DOK5: variants seen among roughly 807,000 people sequenced by gnomAD.
DOK5 encodes the protein downstream of tyrosine kinase 5.
DOK5 carries 27 observed loss-of-function variants against 43.3 expected under a neutral mutation model. That is an observed-to-expected ratio of 0.62 (90% CI 0.46 to 0.86). The LOEUF (loss-of-function observed/expected upper bound fraction) is 0.86. Ranked by LOEUF, DOK5 falls within the 40% of genes least tolerant of loss-of-function variation. The pLI is 0.00. For synonymous variants in DOK5, 146 were observed against 140.1 expected (o/e 1.04, Z -0.30); for missense variants, 373 against 392.9 (o/e 0.95, Z 0.43).
chr20:54,507,381 G>A (rs1455656573), intron 1 of DOK5, among the ~76,000 whole-genome samples: 1 of 152,084 alleles, frequency 6.6e-6, no homozygotes, highest in Non-Finnish European at 1.5e-5. Flanking sequence ...TGAAATAGGT[G>A]AAATTAACTT....
rs886832752 is a variant in DOK5 at position 54,584,770 on chromosome 20, GAT to G, written c.175-3709_175-3708del. Among the ~76,000 whole-genome samples the G allele has an allele frequency of 2.3e-5, 3 of 128,574 alleles. No individual in the cohort carries two copies. The East Asian group carries it at 6.1e-4, about 26-fold the overall frequency. 84.3% of individuals were successfully genotyped at this position (128,574 alleles called of 152,430 possible). On this transcript the variant is annotated intron_variant, in intron 2 of 7. Coordinates refer to ENST00000262593, the MANE Select transcript of DOK5 (RefSeq NM_018431.5). ...ATATGTGTGTGTGTATATATATCTA[GAT>G]ATACACACACACACACACACACACA...
At chr20:54,616,192 G>T (rs1388440045) in intron 6 of DOK5, among the ~76,000 whole-genome samples, 1 of 152,146 alleles carries the variant, frequency 6.6e-6, no homozygotes, top group African/African-American at 2.4e-5. Context: ...GAAAACTCTT[G>T]CATTGAAGAC....
chr20:54,476,751 TTGGGACAGATGTTGAC>T (rs1242037250), intron 1 of DOK5, among the ~76,000 whole-genome samples: 1 of 152,164 alleles, frequency 6.6e-6, no homozygotes, highest in African/African-American at 2.4e-5. Flanking sequence ...CTTAGGGCAC[TTGGGACAGATGTTGAC>T]ACAGGCTAGC....
intron 1 of DOK5, among the ~76,000 whole-genome samples, chr20:54,554,306 C>A (rs1251191935): frequency 6.6e-6 from 1 of 152,220 alleles, no homozygotes. Context: ...AACTCTCCTG[C>A]AAGTGATTCA....
chr20:54,576,330 G>T (rs1985451015), intron 2 of DOK5, among the ~76,000 whole-genome samples: 1 of 152,074 alleles, frequency 6.6e-6, no homozygotes. Flanking sequence ...GAAGACTACT[G>T]CTCAGAAGCC....
At chr20:54,541,349 T>C (rs1192140586) in intron 1 of DOK5, among the ~76,000 whole-genome samples, 1 of 152,184 alleles carries the variant, frequency 6.6e-6, no homozygotes, top group Non-Finnish European at 1.5e-5. Flanking sequence ...TACCTGAAGT[T>C]GGATTATATC....
chr20:54,608,664 CTTCT>C (rs372558183), intron 5 of DOK5, among the ~76,000 whole-genome samples: 4,070 of 136,978 alleles, frequency 0.03, 172 homozygotes, highest in African/African-American at 0.12. Flanking sequence ...ATTTCTTCTT[CTTCT>C]TTTTTTTTTT....
chr20:54,639,842 A>G (rs1414075875), intron 6 of DOK5, among the ~76,000 whole-genome samples: 1 of 152,226 alleles, frequency 6.6e-6, no homozygotes, highest in Non-Finnish European at 1.5e-5. Context: ...ACTTCTAGAT[A>G]AAGACAAAAA....
intron 1 of DOK5, among the ~76,000 whole-genome samples, chr20:54,545,225 G>A (rs1265717712): frequency 6.6e-6 from 1 of 152,174 alleles, no homozygotes; most frequent in Non-Finnish European, 1.5e-5. Flanking sequence ...ATTGCAGAAG[G>A]AGAAATTTGC....
At chr20:54,512,164 C>T (rs1384620177) in intron 1 of DOK5, among the ~76,000 whole-genome samples, 2 of 152,192 alleles carry the variant, frequency 1.3e-5, no homozygotes, top group Admixed American at 6.5e-5. Flanking sequence ...AGTAGACTCA[C>T]CTATGAATGT....
chr20:54,540,506 T>C (rs1984117478), intron 1 of DOK5, among the ~76,000 whole-genome samples: 1 of 152,122 alleles, frequency 6.6e-6, no homozygotes, highest in African/African-American at 2.4e-5. Context: ...CCAAGCAATA[T>C]GCTAAGTATG....
chr20:54,531,555 T>A (rs1049252661), intron 1 of DOK5, among the ~76,000 whole-genome samples: 1 of 152,204 alleles, frequency 6.6e-6, no homozygotes, highest in Non-Finnish European at 1.5e-5. Context: ...ACAAGGAAGA[T>A]AGAAGTTGAG....
chr20:54,539,906 G>A (rs903507456), intron 1 of DOK5, among the ~76,000 whole-genome samples: 4 of 152,226 alleles, frequency 2.6e-5, no homozygotes, highest in African/African-American at 9.6e-5. Context: ...CGTGAAGGAG[G>A]AAAAGGAGTC....
At chr20:54,550,771 C>A (rs1390538953) in intron 1 of DOK5, among the ~76,000 whole-genome samples, 1 of 152,010 alleles carries the variant, frequency 6.6e-6, no homozygotes, top group African/African-American at 2.4e-5. Context: ...GAGGATGTAC[C>A]ACAGTTCGTT....
intron 4 of DOK5, among the ~76,000 whole-genome samples, chr20:54,590,390 C>T (rs1017207073): frequency 6.6e-6 from 1 of 151,942 alleles, no homozygotes; most frequent in African/African-American, 2.4e-5. Context: ...TATTTTTTCC[C>T]TATCTCTCCC....
At chr20:54,622,224 A>T (rs1211487606) in intron 6 of DOK5, among the ~76,000 whole-genome samples, 1 of 152,052 alleles carries the variant, frequency 6.6e-6, no homozygotes, top group East Asian at 1.9e-4. Context: ...AAATAAAATA[A>T]AAAAAAGAGC....
At chr20:54,537,831 C>CTTTTTTTTT (rs927019328) in intron 1 of DOK5, among the ~76,000 whole-genome samples, 3 of 89,536 alleles carry the variant, frequency 3.4e-5, no homozygotes, top group Non-Finnish European at 6.5e-5. Context: ...TGTACAAGTT[C>CTTTTTTTTT]TTTTTTTTTT....
chr20:54,594,545 A>T (rs969214843), intron 5 of DOK5, among the ~76,000 whole-genome samples: 1 of 152,228 alleles, frequency 6.6e-6, no homozygotes, highest in Non-Finnish European at 1.5e-5. Context: ...TTATAAATAG[A>T]CTTTTCTATG....
At chr20:54,531,754 T>G (rs1035728217) in intron 1 of DOK5, among the ~76,000 whole-genome samples, 6 of 152,230 alleles carry the variant, frequency 3.9e-5, no homozygotes, top group Admixed American at 2.6e-4. Context: ...TGATGTTATG[T>G]ATTCTTTAAG....
Sources: gnomAD v4.1 joint callset for allele counts (sites outside exome capture counted in the v4.1 genomes callset) on GRCh38, gnomAD v4.1.1 for gene constraint, MANE v1.5 for transcripts, NCBI Gene and HGNC (gene_info 2026-07-23, HGNC 2026-07-21) for gene names.